Variants in XIRP2 observed in about 807,000 individuals in gnomAD.
XIRP2 encodes xin actin-binding repeat-containing protein 2.
A neutral mutation model predicts 277.0 loss-of-function variants in XIRP2; 236 were observed. The ratio of observed to expected loss-of-function variants is 0.85; its 90% CI spans 0.77 to 0.95. The LOEUF (loss-of-function observed/expected upper bound fraction) is 0.95. Ranked by LOEUF, XIRP2 falls within the 40% of genes least tolerant of loss-of-function variation. The pLI is 0.00. For synonymous variants in XIRP2, 1,490 were observed against 1,416.5 expected (o/e 1.05, Z -1.17); for missense variants, 4,640 against 4,157.5 (o/e 1.12, Z -3.19).
Position 167,245,598 on chromosome 2 carries a change from A to C in XIRP2, c.4206A>C (p.Glu1402Asp). ...ETQPLDQISE[E>D]SHNIMPSIDH... The stretch of plus-strand genomic sequence containing the variant: ...AGCCACTGGATCAGATTTCTGAAGA[A>C]TCACATAATATTATGCCCAGTATTG... Residue 1402 changes from glutamate (E) to aspartate (D), a missense_variant, in exon 9 of 11, where the codon GAA becomes GAC. Transcript: ENST00000409195. 5.6e-6 allele frequency: 9 copies of C among 1,613,710 alleles called. No individual in the cohort carries two copies. The highest frequency in any genetic ancestry group is 7.6e-6 in the Non-Finnish European group (9 of 1,179,750).
intron 9 of XIRP2, among the ~76,000 whole-genome samples, chr2:167,252,547 TCTAAAAAATAAA>T (rs1695545023): frequency 6.6e-6 from 1 of 151,980 alleles, no homozygotes; most frequent in African/African-American, 2.4e-5. Flanking sequence ...TTTTCGCTTT[TCTAAAAAATAAA>T]CTAAATCACT....
rs1373969124 is a variant in XIRP2, at chr2:167,246,076, CAA to C, written c.4688_4689del (p.Lys1563SerfsTer10). The C allele has an allele frequency of 1.2e-6, 2 of 1,613,560 alleles. No homozygotes were observed. The highest frequency in any genetic ancestry group is 2.2e-5 in the South Asian group (2 of 91,030). On this transcript the variant is annotated frameshift_variant, in exon 9 of 11. Transcript: ENST00000409195. LOFTEE classifies it high-confidence loss of function. ...AGAAACCTTAGAAGATCTCTACTCT[CAA>C]AAAGTTATCCAGGCTCCTGGAATCA... ...IKETLEDLYS[Q>X]KVIQAPGIII...
chr2:167,160,049 T>G (rs1692315822), intron 3 of XIRP2, among the ~76,000 whole-genome samples: 1 of 152,184 alleles, frequency 6.6e-6, no homozygotes, highest in African/African-American at 2.4e-5. Context: ...ACAAGCTAAG[T>G]ATTTCTTATT....
At chr2:167,054,336 A>G (rs369485058) in intron 2 of XIRP2, among the ~76,000 whole-genome samples, 12 of 152,334 alleles carry the variant, frequency 7.9e-5, no homozygotes, top group African/African-American at 2.9e-4. Context: ...CTTTATCAAA[A>G]CAACTATTAG....
At chr2:166,936,604 G>A (rs1177355110) in intron 2 of XIRP2, among the ~76,000 whole-genome samples, 1 of 152,152 alleles carries the variant, frequency 6.6e-6, no homozygotes, top group Non-Finnish European at 1.5e-5. Flanking sequence ...GTGTAAGGAA[G>A]GGATCCAGTT....
rs1471088517 is a variant in XIRP2 at position 167,008,697 on chromosome 2, T to TA, written c.408+104813dup. Among the ~76,000 whole-genome samples, 7 of 151,694 alleles carry TA rather than the reference T, an allele frequency of 4.6e-5. No homozygotes were observed. In the Admixed American group the frequency reaches 4.6e-4, roughly 10 times the overall value. ...ACAACTGTGAAAACATAAACTGCTT[T>TA]AAAAAATAATCACAAACCTGAAACT... On this transcript the variant is annotated intron_variant, in intron 2 of 10. Coordinates refer to ENST00000409195, the MANE Select transcript of XIRP2 (RefSeq NM_152381.6).
At chr2:166,932,729 G>GA (rs1375589154) in intron 2 of XIRP2, among the ~76,000 whole-genome samples, 6 of 152,002 alleles carry the variant, frequency 3.9e-5, no homozygotes, top group Non-Finnish European at 7.4e-5. Flanking sequence ...GTGAGGTAGG[G>GA]ATCCAGATTT....
At chr2:167,090,849 G>T (rs917000483) in intron 2 of XIRP2, among the ~76,000 whole-genome samples, 1 of 152,010 alleles carries the variant, frequency 6.6e-6, no homozygotes, top group Non-Finnish European at 1.5e-5. Context: ...CTATTCATGA[G>T]GCATCTGCCC....
At chr2:167,037,197 C>T (rs565940527) in intron 2 of XIRP2, among the ~76,000 whole-genome samples, 3 of 152,274 alleles carry the variant, frequency 2.0e-5, no homozygotes, top group African/African-American at 7.2e-5. Flanking sequence ...GCACTATAGA[C>T]CAAACGCAGC....
At chr2:167,220,513 A>G (rs2105403249) in intron 5 of XIRP2, among the ~76,000 whole-genome samples, 1 of 152,334 alleles carries the variant, frequency 6.6e-6, no homozygotes, top group Non-Finnish European at 1.5e-5. Flanking sequence ...AACAGTAAAC[A>G]AAGTATCACC....
chr2:166,917,092 C>G (rs566004479), intron 2 of XIRP2, among the ~76,000 whole-genome samples: 1 of 152,076 alleles, frequency 6.6e-6, no homozygotes, highest in Non-Finnish European at 1.5e-5. Flanking sequence ...GTTTTCTCAT[C>G]TATAAAGGAA....
chr2:166,974,355 G>T (rs1265577982), intron 2 of XIRP2, among the ~76,000 whole-genome samples: 2 of 152,062 alleles, frequency 1.3e-5, no homozygotes, highest in Non-Finnish European at 2.9e-5. Flanking sequence ...CACTAGAAAT[G>T]ATAATATGTG....
chr2:167,214,994 G>C (rs138095910), intron 4 of XIRP2, among the ~76,000 whole-genome samples: 620 of 152,324 alleles, frequency 4.1e-3, no homozygotes, highest in Non-Finnish European at 7.2e-3. Flanking sequence ...AGGCTTGCCA[G>C]ATTAATTTGC....
intron 2 of XIRP2, among the ~76,000 whole-genome samples, chr2:167,055,869 G>C (rs1689025022): frequency 1.3e-5 from 2 of 151,864 alleles, no homozygotes. Context: ...CTTTTCCCCT[G>C]GACTATATAC....
chr2:167,077,990 A>C (rs79717346), intron 2 of XIRP2, among the ~76,000 whole-genome samples: 11,389 of 152,184 alleles, frequency 0.075, 491 homozygotes, highest in South Asian at 0.17. Flanking sequence ...GAATTTTAGA[A>C]TAGTTTGTTT....
intron 2 of XIRP2, among the ~76,000 whole-genome samples, chr2:166,938,474 T>G (rs1194347218): frequency 2.0e-5 from 3 of 152,216 alleles, no homozygotes. Flanking sequence ...TGATTATAAT[T>G]TCTGTTCTTT....
chr2:167,217,918 T>TAG (rs1353200520), intron 4 of XIRP2, among the ~76,000 whole-genome samples: 1 of 152,180 alleles, frequency 6.6e-6, no homozygotes, highest in African/African-American at 2.4e-5. Context: ...TATCTGAGAT[T>TAG]AGAAGAATTA....
chr2:167,254,245 A>G, intron 10 of XIRP2, 80 bp downstream of exon 10: 1 of 1,362,838 alleles, frequency 7.3e-7, no homozygotes, highest in South Asian at 2.0e-5. Flanking sequence ...AGGAGGATGC[A>G]CATTTTTCCA....
At chr2:167,234,460 C>A (rs749710212) in intron 5 of XIRP2, among the ~76,000 whole-genome samples, 1 of 151,012 alleles carries the variant, frequency 6.6e-6, no homozygotes, top group Non-Finnish European at 1.5e-5. Flanking sequence ...TTAAACAATA[C>A]TGACAATGCC....
Sources: allele counts gnomAD v4.1 joint callset (sites outside exome capture counted in the v4.1 genomes callset), GRCh38; gene constraint gnomAD v4.1.1; transcripts MANE v1.5; gene names NCBI Gene and HGNC (gene_info 2026-07-23, HGNC 2026-07-21).